The following NLN variants were observed in gnomAD, a reference collection of about 807,000 sequenced individuals.
The protein encoded by NLN is neurolysin.
NLN carries 64 observed loss-of-function variants against 79.9 expected under a neutral mutation model. That is an observed-to-expected ratio of 0.80 (90% confidence interval 0.65 to 0.99). NLN has a LOEUF of 0.99. Among genes scored for constraint, NLN ranks in the 50% least tolerant of loss-of-function variants. The probability of loss-of-function intolerance (pLI) is 0.00; values close to 1 mark genes in which losing one functional copy is unlikely to be tolerated. For synonymous variants in NLN, 267 were observed against 296.6 expected, an observed-to-expected ratio of 0.90 and a Z score of 1.02; for missense variants, 835 against 858.7, an observed-to-expected ratio of 0.97 and a Z score of 0.34.
chr5:65,746,991 G>A (rs112089614), intron 1 of NLN, among the ~76,000 whole-genome samples: 6,314 of 149,222 alleles, frequency 0.042, 202 homozygotes, highest in Non-Finnish European at 0.07. Flanking sequence ...GTGACTGAGC[G>A]AGATTCTGTC....
chr5:65,795,581 G>A (rs1464333690), intron 9 of NLN, among the ~76,000 whole-genome samples: 2 of 152,128 alleles, frequency 1.3e-5, no homozygotes, highest in Non-Finnish European at 2.9e-5. Context: ...CAGCTACTCA[G>A]GAGGCTGAGG....
Position 65,809,638 on chromosome 5 carries a change from G to A in NLN, c.1651G>A (p.Asp551Asn). 1 of 1,614,048 alleles carries A rather than the reference G, an allele frequency of 6.2e-7. No homozygotes were observed. Residue 551 changes from aspartate to asparagine, a missense_variant, in exon 10 of 13, where the codon GAT becomes AAT. By Grantham distance (23) the Asp-to-Asn change is conservative (BLOSUM62 1). Coordinates refer to ENST00000380985, the MANE Select transcript of NLN (RefSeq NM_020726.5). ...SLRRLSKHYK[D>N]GSPIADDLLE... ...CCGAAGATTGTCAAAACATTATAAAGATGGAAGCCCTATTGCAGACGATCT... is the reference window on the plus strand; with the variant it reads ...CCGAAGATTGTCAAAACATTATAAAAATGGAAGCCCTATTGCAGACGATCT...
intron 2 of NLN, 35 bp from the exon 3 acceptor site, chr5:65,762,925 T>C (rs1417271963): frequency 2.5e-6 from 4 of 1,605,596 alleles, no homozygotes; most frequent in Non-Finnish European, 3.4e-6. Flanking sequence ...TGACAAGTCC[T>C]GTTGTGTGGT....
chr5:65,817,981 A>T (rs1760705095), intron 12 of NLN, among the ~76,000 whole-genome samples: 1 of 152,234 alleles, frequency 6.6e-6, no homozygotes, highest in African/African-American at 2.4e-5. Flanking sequence ...CTCCTGATGT[A>T]CCACCCAACA....
chr5:65,813,279 C>T (rs1461770082), intron 12 of NLN, among the ~76,000 whole-genome samples: 3 of 151,832 alleles, frequency 2.0e-5, no homozygotes, highest in African/African-American at 7.3e-5. Context: ...TCCCATCCCA[C>T]CCCACCCAAT....
At chr5:65,773,113 C>T (rs543822825) in intron 3 of NLN, among the ~76,000 whole-genome samples, 2 of 149,350 alleles carry the variant, frequency 1.3e-5, no homozygotes, top group Non-Finnish European at 3.0e-5. Context: ...CCACCACACC[C>T]AGCCCTGAAT....
In NLN at chr5:65,828,117, C is replaced by A. The variant is rs1358612547; in HGVS notation, c.*5202C>A. The A allele has an allele frequency of 6.6e-6, 1 of 152,136 alleles. No individual in the cohort carries two copies. Among genetic ancestry groups the A allele is most frequent in the Non-Finnish European group, 1.5e-5 (1 of 68,030 alleles). 9.4% of individuals were successfully genotyped at this position (152,136 alleles called of 1,614,324 possible). A position where few individuals can be genotyped will look rare whatever the true frequency, so the allele number is the denominator to read the frequency against. ...ATTACCCAGGTAAAAGAAGGGGAAG[C>A]CTGACTTGATAGTAGTATTCAGGAA... On this transcript the variant is annotated 3_prime_UTR_variant, in exon 13 of 13. Coordinates refer to ENST00000380985, the MANE Select transcript of NLN (RefSeq NM_020726.5).
In NLN at chr5:65,792,626, GGT is replaced by G; in HGVS notation, c.1499_1500del (p.Gly500AlafsTer11). On this transcript the variant is annotated frameshift_variant, in exon 9 of 13. Transcript: ENST00000380985. LOFTEE classifies it high-confidence loss of function. ...GGTGAGGACTTACTTTCATGAGTTT[GGT>G]CACGTGATGCATCAGATTTGTGCAC... ...DEVRTYFHEF[G>X]HVMHQICAQT... is the part of the protein sequence containing the mutation. The G allele has an allele frequency of 1.2e-6, 2 of 1,613,968 alleles. No individual in the cohort carries two copies. Among genetic ancestry groups the G allele is most frequent in the African/African-American group, 1.3e-5 (1 of 75,020 alleles).
chr5:65,777,390 T>C (rs1298575222), intron 3 of NLN, 37 bp from the exon 4 acceptor site: 2 of 1,350,774 alleles, frequency 1.5e-6, no homozygotes, highest in African/African-American at 2.9e-5. Context: ...CTGTGCACTG[T>C]TTCAACCGAA....
Position 65,725,532 on chromosome 5 carries a change from CAT to C in NLN, c.41+3121_41+3122del, listed in dbSNP as rs1433014807. Among the ~76,000 whole-genome samples, 3 of 152,298 alleles carry C rather than the reference CAT, an allele frequency of 2.0e-5. No homozygotes were observed. In the East Asian group the frequency reaches 5.8e-4, roughly 29 times the overall value. On this transcript the variant is annotated intron_variant, in intron 1 of 12. Coordinates refer to ENST00000380985, the MANE Select transcript of NLN (RefSeq NM_020726.5). ...GTTATACAGTTCTTCCTAATGTTGA[CAT>C]ATTTCATTATACAGTATCAAACAAT...
Position 65,723,699 on chromosome 5 carries a change from C to T in NLN, c.41+1285C>T, listed in dbSNP as rs547704761. On this transcript the variant is annotated intron_variant, in intron 1 of 12. Coordinates refer to ENST00000380985, the MANE Select transcript of NLN (RefSeq NM_020726.5). Reference sequence around the variant, plus strand: ...GCGTGGTGGCGGGCGCCTGTAGTCCCAGCTACTCGGGAGGCTGAGGCAGGA... The same window carrying T: ...GCGTGGTGGCGGGCGCCTGTAGTCCTAGCTACTCGGGAGGCTGAGGCAGGA... Among the ~76,000 whole-genome samples the T allele has an allele frequency of 3.1e-4, 47 of 150,098 alleles. No individual in the cohort carries two copies. In the East Asian group the frequency reaches 9.0e-3, roughly 29 times the overall value.
chr5:65,818,536 G>A (rs561814867), intron 12 of NLN, among the ~76,000 whole-genome samples: 1 of 152,196 alleles, frequency 6.6e-6, no homozygotes, highest in Admixed American at 6.5e-5. Flanking sequence ...TACTATTCTT[G>A]TCTCCATCTC....
Position 65,785,849 on chromosome 5 carries a change from T to A in NLN, c.897T>A (p.His299Gln). 15 of 1,613,794 alleles carry A rather than the reference T, an allele frequency of 9.3e-6. No individual in the cohort carries two copies. Among genetic ancestry groups the A allele is most frequent in the Non-Finnish European group, 1.2e-5 (14 of 1,179,888 alleles). Residue 299 changes from histidine to glutamine, a missense_variant, in exon 7 of 13, where the codon CAT becomes CAA. Coordinates refer to ENST00000380985, the MANE Select transcript of NLN (RefSeq NM_020726.5). ...CCAAACTACTCGGTTATAGCACACA[T>A]GCTGACTTCGTCCTTGAAATGAACA... is the stretch of plus-strand genomic sequence containing the variant. ...KVAKLLGYST[H>Q]ADFVLEMNTA...
chr5:65,788,875 G>T (rs1275749211), intron 8 of NLN, among the ~76,000 whole-genome samples: 3 of 152,128 alleles, frequency 2.0e-5, no homozygotes, highest in African/African-American at 2.4e-5. Context: ...GAGAGGCTGA[G>T]GTGGGAGGAT....
At chr5:65,788,748 G>A (rs2150762054) in intron 8 of NLN, among the ~76,000 whole-genome samples, 1 of 152,284 alleles carries the variant, frequency 6.6e-6, no homozygotes, top group East Asian at 1.9e-4. Context: ...GAGGCAGGTG[G>A]ATTGCTTGAG....
chr5:65,814,399 C>T (rs979479325), intron 12 of NLN, among the ~76,000 whole-genome samples: 77 of 152,094 alleles, frequency 5.1e-4, no homozygotes, highest in Non-Finnish European at 1.5e-4. Flanking sequence ...GGTCTCTCCA[C>T]CTTCACAAAT....
chr5:65,821,674 T>C (rs2150779662), intron 12 of NLN, among the ~76,000 whole-genome samples: 1 of 152,306 alleles, frequency 6.6e-6, no homozygotes, highest in East Asian at 1.9e-4. Context: ...GACTAGTTAT[T>C]TACTCCTGAT....
At chr5:65,812,010 G>A (rs535008283) in intron 11 of NLN, among the ~76,000 whole-genome samples, 6 of 152,272 alleles carry the variant, frequency 3.9e-5, no homozygotes, top group East Asian at 1.9e-4. Context: ...GGACAAAGCC[G>A]CTGAAACTAT....
intron 12 of NLN, among the ~76,000 whole-genome samples, chr5:65,815,389 T>C (rs533861811): frequency 6.6e-6 from 1 of 152,378 alleles, no homozygotes; most frequent in East Asian, 1.9e-4. Flanking sequence ...ACTACTCTTA[T>C]TTAGACAAAG....
Sources: gnomAD v4.1 joint callset for allele counts (sites outside exome capture counted in the v4.1 genomes callset) on GRCh38, gnomAD v4.1.1 for gene constraint, MANE v1.5 for transcripts, NCBI Gene and HGNC (gene_info 2026-07-23, HGNC 2026-07-21) for gene names.